PIGK: variants seen among roughly 807,000 people sequenced by gnomAD.
PIGK encodes GPI-anchor transamidase.
In PIGK, 42 loss-of-function variants were observed where a neutral mutation model predicts 50.6. That is an observed-to-expected ratio of 0.83 (90% confidence interval 0.65 to 1.07). PIGK has a LOEUF of 1.07. Among genes scored for constraint, PIGK ranks in the 50% least tolerant of loss-of-function variants. The pLI, the probability that PIGK is intolerant of heterozygous loss-of-function variation, is 0.00. For missense variants in PIGK, 448 were observed against 488.7 expected, an observed-to-expected ratio of 0.92 and a Z score of 0.78; for synonymous variants, 151 against 156.0, an observed-to-expected ratio of 0.97 and a Z score of 0.24.
intron 4 of PIGK, 45 bp from the exon 5 acceptor site, chr1:77,166,875 G>A (rs778019852): frequency 1.2e-5 from 11 of 893,930 alleles, no homozygotes; most frequent in Non-Finnish European, 1.8e-6. Flanking sequence ...TAAAACCTGG[G>A]AAATCTTGAC....
At chr1:77,160,058 G>T (rs1655099943) in intron 8 of PIGK, among the ~76,000 whole-genome samples, 1 of 152,076 alleles carries the variant, frequency 6.6e-6, no homozygotes, top group South Asian at 2.1e-4. Context: ...GTCATGGGAG[G>T]GACTTGGTGG....
At chr1:77,113,188 T>G (rs1653892418) in intron 10 of PIGK, among the ~76,000 whole-genome samples, 1 of 151,960 alleles carries the variant, frequency 6.6e-6, no homozygotes, top group South Asian at 2.1e-4. Context: ...AAAGAAAAAT[T>G]TATTACATAT....
intron 3 of PIGK, chr1:77,194,951 C>T: frequency 3.4e-6 from 2 of 584,902 alleles, no homozygotes; most frequent in South Asian, 2.9e-5. Context: ...GCACTGACTA[C>T]TCCTGCTTAA....
intron 6 of PIGK, among the ~76,000 whole-genome samples, chr1:77,161,965 T>C (rs914644343): frequency 8.5e-5 from 13 of 152,204 alleles, no homozygotes; most frequent in African/African-American, 3.1e-4. Flanking sequence ...GTCTATGCCA[T>C]ATAATTCAGA....
At chr1:77,172,817 G>A (rs1039020896) in intron 3 of PIGK, among the ~76,000 whole-genome samples, 3 of 152,018 alleles carry the variant, frequency 2.0e-5, no homozygotes, top group Non-Finnish European at 4.4e-5. Flanking sequence ...CCAGCTACTC[G>A]GGAGGCTGAG....
At chr1:77,096,575 C>G (rs570088135) in intron 10 of PIGK, among the ~76,000 whole-genome samples, 3 of 152,154 alleles carry the variant, frequency 2.0e-5, no homozygotes, top group African/African-American at 7.2e-5. Flanking sequence ...CAGCTAATAA[C>G]CAGCCAACTA....
In PIGK at chr1:77,090,384, T is replaced by C. The variant is rs1653269021; in HGVS notation, c.*1990A>G. Reference sequence around the variant, plus strand: ...GTGAAACATTTAACATATTTTAAGCTTTTGGCTTTAACTATATTCTGAAGA... The same window carrying C: ...GTGAAACATTTAACATATTTTAAGCCTTTGGCTTTAACTATATTCTGAAGA... On this transcript the variant is annotated 3_prime_UTR_variant, in exon 11 of 11. Transcript: ENST00000370812. The C allele has an allele frequency of 6.6e-6, 1 of 152,220 alleles. No homozygotes were observed. Among genetic ancestry groups the C allele is most frequent in the Admixed American group, 6.5e-5 (1 of 15,278 alleles). 9.4% of individuals were successfully genotyped at this position (152,220 alleles called of 1,614,324 possible).
chr1:77,152,171 C>A (rs1399957860), intron 9 of PIGK, among the ~76,000 whole-genome samples: 1 of 151,964 alleles, frequency 6.6e-6, no homozygotes. Flanking sequence ...ACCAATGGAA[C>A]AAATAGAAAA....
In PIGK at chr1:77,109,259, T is replaced by C. The variant is rs985739875; in HGVS notation, c.1071+13016A>G. 3.3e-5 allele frequency among the ~76,000 whole-genome samples: 5 copies of C among 152,348 alleles called. No individual in the cohort carries two copies. The South Asian group carries it at 6.2e-4, about 19-fold the overall frequency. ...AGGGAATCCTCCCTAACTCATTTTA[T>C]GAGGCCAGCATCATCCTGATACCAA... On this transcript the variant is annotated intron_variant, in intron 10 of 10. Coordinates refer to ENST00000370812, the MANE Select transcript of PIGK (RefSeq NM_005482.3).
At chr1:77,123,711 G>C (rs956569034) in intron 9 of PIGK, among the ~76,000 whole-genome samples, 1 of 152,010 alleles carries the variant, frequency 6.6e-6, no homozygotes, top group African/African-American at 2.4e-5. Context: ...AGATGGATGG[G>C]GGGATGATAG....
chr1:77,129,710 AATAAAAATAAAT>A (rs1360641557), intron 9 of PIGK: 1 of 1,021,938 alleles, frequency 9.8e-7, no homozygotes, highest in African/African-American at 1.7e-5. Context: ...AAAAATAAAA[AATAAAAATAAAT>A]AAATAAATAA....
intron 9 of PIGK, among the ~76,000 whole-genome samples, chr1:77,150,074 T>C (rs749154903): frequency 2.4e-4 from 36 of 152,064 alleles, no homozygotes; most frequent in Non-Finnish European, 2.4e-4. Flanking sequence ...TATCAGAATA[T>C]GGGATACAGT....
At chr1:77,218,391 A>G (rs1350088319) in intron 1 of PIGK, among the ~76,000 whole-genome samples, 2 of 152,260 alleles carry the variant, frequency 1.3e-5, no homozygotes, top group Admixed American at 1.3e-4. Context: ...GAATTAAGTC[A>G]GTGGAACTGG....
At chr1:77,140,692 A>C in intron 9 of PIGK, among the ~76,000 whole-genome samples, 1 of 152,008 alleles carries the variant, frequency 6.6e-6, no homozygotes, top group East Asian at 1.9e-4. Context: ...AAATAGCAGA[A>C]AAACAAAACA....
intron 3 of PIGK, among the ~76,000 whole-genome samples, chr1:77,188,352 T>C (rs959036423): frequency 2.6e-5 from 4 of 152,160 alleles, no homozygotes; most frequent in Admixed American, 6.5e-5. Flanking sequence ...GCCTGTCTCT[T>C]ATGTCGAAAC....
chr1:77,123,490 G>T (rs939002165), intron 9 of PIGK, among the ~76,000 whole-genome samples: 7 of 152,002 alleles, frequency 4.6e-5, no homozygotes, highest in African/African-American at 1.7e-4. Context: ...AAAGTTTGTG[G>T]ATATCTTGCA....
chr1:77,190,006 C>T (rs1019219348), intron 3 of PIGK, among the ~76,000 whole-genome samples: 2 of 151,824 alleles, frequency 1.3e-5, no homozygotes, highest in African/African-American at 4.8e-5. Context: ...CAAGTAGTGG[C>T]GTTTGAATTC....
At chr1:77,140,243 ACACT>A (rs917275843) in intron 9 of PIGK, among the ~76,000 whole-genome samples, 85 of 151,848 alleles carry the variant, frequency 5.6e-4, no homozygotes, top group African/African-American at 1.8e-3. Flanking sequence ...GTGCATGCTC[ACACT>A]CACTCACTCT....
At chr1:77,137,687 T>C (rs909311909) in intron 9 of PIGK, among the ~76,000 whole-genome samples, 1 of 152,168 alleles carries the variant, frequency 6.6e-6, no homozygotes, top group Non-Finnish European at 1.5e-5. Flanking sequence ...CACTGCAACC[T>C]CCGCCTCCTG....
Sources: gnomAD v4.1 joint callset for allele counts (sites outside exome capture counted in the v4.1 genomes callset) on GRCh38, gnomAD v4.1.1 for gene constraint, MANE v1.5 for transcripts, NCBI Gene and HGNC (gene_info 2026-07-23, HGNC 2026-07-21) for gene names.